C3orf70: variants seen among roughly 807,000 people sequenced by gnomAD.
C3orf70 encodes the protein chromosome 3 open reading frame 70.
C3orf70 carries 15 observed loss-of-function variants against 20.7 expected under a neutral mutation model. The observed-to-expected ratio is 0.72, with a 90% CI of 0.48 to 1.11. The LOEUF is 1.11. Ranked by LOEUF, C3orf70 falls within the 50% of genes most tolerant of loss-of-function variation. The pLI, the probability that C3orf70 is intolerant of heterozygous loss-of-function variation, is 0.00. For synonymous variants in C3orf70, 161 were observed against 125.7 expected (o/e 1.28, Z -1.88); for missense variants, 332 against 317.6 (o/e 1.05, Z -0.34).
intron 1 of C3orf70, among the ~76,000 whole-genome samples, chr3:185,106,753 A>C (rs959363778): frequency 1.3e-5 from 2 of 151,930 alleles, no homozygotes; most frequent in African/African-American, 4.8e-5. Flanking sequence ...TGCCTGGGGA[A>C]CCCCCCGCAA....
chr3:185,096,483 T>C (rs1715708410), intron 1 of C3orf70, among the ~76,000 whole-genome samples: 1 of 152,148 alleles, frequency 6.6e-6, no homozygotes, highest in Non-Finnish European at 1.5e-5. Flanking sequence ...AGACTATGAA[T>C]GTGCTAGCTG....
intron 1 of C3orf70, among the ~76,000 whole-genome samples, chr3:185,117,442 C>A (rs2108597861): frequency 7.2e-6 from 1 of 139,426 alleles, no homozygotes; most frequent in South Asian, 2.3e-4. Flanking sequence ...CACACACACA[C>A]ACACACACAG....
In C3orf70 at chr3:185,082,954, A is replaced by C; in HGVS notation, c.*53T>G. The stretch of plus-strand genomic sequence containing the variant: ...CATTGGAAAAAAGGATCCACCAGAC[A>C]AAGGTACAAAAGCTCGGCGTGGGTC... On this transcript the variant is annotated 3_prime_UTR_variant, in exon 2 of 2. Coordinates refer to ENST00000335012, the MANE Select transcript of C3orf70 (RefSeq NM_001025266.3). 1 of 1,543,994 alleles carries C rather than the reference A, an allele frequency of 6.5e-7. No homozygotes were observed. Among genetic ancestry groups the C allele is most frequent in the South Asian group, 1.2e-5 (1 of 80,994 alleles).
intron 1 of C3orf70, among the ~76,000 whole-genome samples, chr3:185,133,143 T>C (rs1004498274): frequency 3.9e-5 from 6 of 152,192 alleles, no homozygotes; most frequent in Non-Finnish European, 8.8e-5. Context: ...CTTATAATCA[T>C]TGGCAAAAAC....
intron 1 of C3orf70, among the ~76,000 whole-genome samples, chr3:185,145,705 G>A (rs945681069): frequency 6.6e-6 from 1 of 152,194 alleles, no homozygotes; most frequent in Non-Finnish European, 1.5e-5. Context: ...CAGGCAGCTA[G>A]GGGTACTACG....
At chr3:185,095,272 G>T (rs1217747818) in intron 1 of C3orf70, among the ~76,000 whole-genome samples, 1 of 152,186 alleles carries the variant, frequency 6.6e-6, no homozygotes, top group African/African-American at 2.4e-5. Flanking sequence ...ATTGCAGTCT[G>T]AAAAAATCCA....
intron 1 of C3orf70, among the ~76,000 whole-genome samples, chr3:185,123,127 C>T (rs978310090): frequency 1.4e-5 from 2 of 141,966 alleles, no homozygotes; most frequent in South Asian, 2.2e-4. Context: ...TGCAGTGAGC[C>T]AAGATCGCGC....
At chr3:185,132,983 T>C (rs1371229793) in intron 1 of C3orf70, among the ~76,000 whole-genome samples, 2 of 152,338 alleles carry the variant, frequency 1.3e-5, no homozygotes, top group Non-Finnish European at 2.9e-5. Flanking sequence ...ATCCAGAAGA[T>C]GGTGGTATGA....
rs778071741 is a variant in C3orf70, at chr3:185,083,061, G to C, written c.699C>G (p.Leu233=). ...SSWEPDECTL[L]SPSQSDLEVI... is the part of the protein sequence containing the mutation. Reference sequence around the variant, plus strand: ...CTTCCAGGTCAGACTGCGAGGGGGAGAGAAGGGTGCACTCATCCGGTTCCC... The same window carrying C: ...CTTCCAGGTCAGACTGCGAGGGGGACAGAAGGGTGCACTCATCCGGTTCCC... The change falls in exon 2 of 2, where the codon CTC becomes CTG. Residue 233 remains leucine, a synonymous_variant. Transcript: ENST00000335012. The C allele has an allele frequency of 6.2e-7, 1 of 1,614,130 alleles. No homozygotes were observed. Among genetic ancestry groups the C allele is most frequent in the South Asian group, 1.1e-5 (1 of 91,078 alleles).
At chr3:185,145,290 C>G (rs1304853624) in intron 1 of C3orf70, among the ~76,000 whole-genome samples, 1 of 152,214 alleles carries the variant, frequency 6.6e-6, no homozygotes, top group African/African-American at 2.4e-5. Context: ...GTTTAAATCT[C>G]TAAGTTCAAC....
At chr3:185,140,938 A>C (rs1366379354) in intron 1 of C3orf70, among the ~76,000 whole-genome samples, 2 of 150,194 alleles carry the variant, frequency 1.3e-5, no homozygotes, top group Non-Finnish European at 3.0e-5. Context: ...ACTGCACTCC[A>C]GCCTGGGCAA....
intron 1 of C3orf70, among the ~76,000 whole-genome samples, chr3:185,123,231 T>G (rs1716342707): frequency 6.6e-6 from 1 of 150,820 alleles, no homozygotes; most frequent in Non-Finnish European, 1.5e-5. Context: ...TATCACAATG[T>G]TGACTGTGTG....
chr3:185,101,248 A>G (rs1715817060), intron 1 of C3orf70, among the ~76,000 whole-genome samples: 2 of 152,218 alleles, frequency 1.3e-5, no homozygotes, highest in African/African-American at 4.8e-5. Context: ...CTTCAGGCCA[A>G]TATCCTTGAT....
At chr3:185,150,666 C>CT (rs1447465737) in intron 1 of C3orf70, among the ~76,000 whole-genome samples, 2 of 152,158 alleles carry the variant, frequency 1.3e-5, no homozygotes, top group Admixed American at 6.5e-5. Flanking sequence ...ATAGCAGTAT[C>CT]TCGAACATGG....
intron 1 of C3orf70, among the ~76,000 whole-genome samples, chr3:185,087,060 C>T (rs1715472514): frequency 6.6e-6 from 1 of 151,350 alleles, no homozygotes; most frequent in African/African-American, 2.5e-5. Flanking sequence ...TTATCAGATT[C>T]AATTATGTTT....
chr3:185,112,221 C>T (rs543474578), intron 1 of C3orf70, among the ~76,000 whole-genome samples: 90 of 152,160 alleles, frequency 5.9e-4, no homozygotes, highest in African/African-American at 2.2e-3. Flanking sequence ...ACCTGGGAGG[C>T]GGAGGGTGCA....
intron 1 of C3orf70, among the ~76,000 whole-genome samples, chr3:185,146,570 G>C (rs1716880930): frequency 6.6e-6 from 1 of 152,160 alleles, no homozygotes; most frequent in Non-Finnish European, 1.5e-5. Context: ...TTACAGGCGT[G>C]AGCCACCATG....
At chr3:185,104,824 G>A (rs185883540) in intron 1 of C3orf70, among the ~76,000 whole-genome samples, 52 of 152,272 alleles carry the variant, frequency 3.4e-4, no homozygotes, top group Middle Eastern at 3.4e-3. Flanking sequence ...AGAAGGTGGA[G>A]GGTAGGAGGA....
chr3:185,099,366 G>A (rs1383820019), intron 1 of C3orf70, among the ~76,000 whole-genome samples: 1 of 152,212 alleles, frequency 6.6e-6, no homozygotes, highest in Non-Finnish European at 1.5e-5. Flanking sequence ...CAGACTAACT[G>A]TGGACTTCTC....
Sources: allele counts gnomAD v4.1 joint callset (sites outside exome capture counted in the v4.1 genomes callset), GRCh38; gene constraint gnomAD v4.1.1; transcripts MANE v1.5; gene names NCBI Gene and HGNC (gene_info 2026-07-23, HGNC 2026-07-21).